The following AFTPH variants were observed in gnomAD, a reference collection of about 807,000 sequenced individuals.
AFTPH encodes aftiphilin, also known as aftiphilin protein.
In AFTPH, 7 loss-of-function variants were observed where a neutral mutation model predicts 72.5. The observed-to-expected ratio is 0.10, with a 90% CI of 0.05 to 0.18. The LOEUF is 0.18. AFTPH is among the 10% of genes least tolerant of loss of function. AFTPH has a pLI of 1.00. For synonymous variants in AFTPH, 337 were observed against 370.1 expected (o/e 0.91, Z 1.03); for missense variants, 979 against 1,060.5 (o/e 0.92, Z 1.07).
intron 2 of AFTPH, among the ~76,000 whole-genome samples, chr2:64,559,264 G>A (rs1448568974): frequency 6.6e-6 from 1 of 152,112 alleles, no homozygotes; most frequent in Admixed American, 6.5e-5. Context: ...AGAACCAATA[G>A]GGTATGTGTG....
At chr2:64,534,742 G>A (rs1249073430) in intron 1 of AFTPH, among the ~76,000 whole-genome samples, 1 of 140,028 alleles carries the variant, frequency 7.1e-6, no homozygotes, top group Non-Finnish European at 1.6e-5. Flanking sequence ...CTTTAAGCTT[G>A]TTTTTTTTTT....
At chr2:64,576,171 G>A (rs1157962669) in intron 6 of AFTPH, among the ~76,000 whole-genome samples, 5 of 141,410 alleles carry the variant, frequency 3.5e-5, no homozygotes, top group African/African-American at 1.3e-4. Context: ...ATATATATAT[G>A]GATTTACATA....
chr2:64,585,693 T>A, intron 8 of AFTPH, 148 bp downstream of exon 9: 1 of 829,254 alleles, frequency 1.2e-6, no homozygotes, highest in Non-Finnish European at 1.8e-6. Context: ...CAGAAAATAT[T>A]ATCAAATTAT....
At chr2:64,525,029 A>G (rs1042391280) in intron 1 of AFTPH, among the ~76,000 whole-genome samples, 1 of 152,194 alleles carries the variant, frequency 6.6e-6, no homozygotes, top group African/African-American at 2.4e-5. Flanking sequence ...TGACAGGTGT[A>G]AACACTGCCT....
chr2:64,555,555 TCACACACACACACACACACACACA>T lies in AFTPH; in HGVS notation c.1935+2167_1935+2190del, dbSNP rs111905151. 1.4e-3 allele frequency among the ~76,000 whole-genome samples: 196 copies of T among 140,870 alleles called. 1 individual carries two copies. Among genetic ancestry groups the T allele is most frequent in the African/African-American group, 4.6e-3 (173 of 37,906 alleles). 92.4% of individuals were successfully genotyped at this position (140,870 alleles called of 152,430 possible). ...CAGGCTAGGCTACAGAGAGAGACTG[TCACACACACACACACACACACACA>T]CACACACACACACACACACAAGACT... On this transcript the variant is annotated intron_variant, in intron 2 of 8. Transcript: ENST00000238856.
Position 64,552,925 on chromosome 2 carries a change from T to G in AFTPH, c.1451T>G (p.Ile484Arg), listed in dbSNP as rs914335736. ...GATGACTTTGGAGAATTTGGGGATA[T>G]AAATGCTGTTTCTTGCCAAGAGGAG... The change falls in exon 2 of 9, where the codon ATA (isoleucine) becomes AGA (arginine). Residue 484 changes from isoleucine to arginine, a missense_variant. By Grantham distance (97) the Ile-to-Arg change is moderately conservative. Coordinates refer to ENST00000238856, the Ensembl canonical transcript of AFTPH. 6.8e-6 allele frequency: 11 copies of G among 1,614,040 alleles called. No individual in the cohort carries two copies. The African/African-American group carries it at 1.5e-4, about 22-fold the overall frequency.
At chr2:64,575,957 T>TC (rs1558626670) in intron 6 of AFTPH, among the ~76,000 whole-genome samples, 2 of 151,844 alleles carry the variant, frequency 1.3e-5, no homozygotes, top group East Asian at 3.9e-4. Flanking sequence ...CAGGCTGGTC[T>TC]CCAACTCCTG....
chr2:64,555,766 A>C (rs1285946748), intron 2 of AFTPH, among the ~76,000 whole-genome samples: 2 of 152,186 alleles, frequency 1.3e-5, no homozygotes, highest in African/African-American at 4.8e-5. Context: ...CTGCTGAGTA[A>C]GTGACTGAGT....
exon 2 of AFTPH, chr2:64,551,656 C>G: frequency 6.2e-7 from 1 of 1,613,996 alleles, no homozygotes; most frequent in Non-Finnish European, 8.5e-7. Context: ...GAGTTTGTAC[C>G]TTCAAACCAT....
chr2:64,527,566 G>T (rs1183570846), intron 1 of AFTPH, among the ~76,000 whole-genome samples: 1 of 137,560 alleles, frequency 7.3e-6, no homozygotes, highest in African/African-American at 2.9e-5. Flanking sequence ...GGCAACAAGA[G>T]CAAAACATCA....
chr2:64,582,502 A>G (rs938298519), intron 7 of AFTPH, among the ~76,000 whole-genome samples: 4 of 152,192 alleles, frequency 2.6e-5, no homozygotes, highest in Non-Finnish European at 4.4e-5. Context: ...TAAAAAACCA[A>G]TCTGTCTGGT....
intron 6 of AFTPH, among the ~76,000 whole-genome samples, chr2:64,578,001 C>G (rs1445337598): frequency 6.6e-6 from 1 of 152,114 alleles, no homozygotes; most frequent in East Asian, 1.9e-4. Context: ...TAAGAACACC[C>G]TTAATAGTCA....
At chr2:64,554,124 G>A (rs1262217831) in intron 2 of AFTPH, among the ~76,000 whole-genome samples, 2 of 152,134 alleles carry the variant, frequency 1.3e-5, no homozygotes, top group Non-Finnish European at 2.9e-5. Flanking sequence ...TCTTACAAAT[G>A]TACTTGTTAG....
In AFTPH at chr2:64,555,555, TCACACACACA is replaced by T. The variant is rs111905151; in HGVS notation, c.1935+2181_1935+2190del. Among the ~76,000 whole-genome samples, 206 of 140,862 alleles carry T rather than the reference TCACACACACA, an allele frequency of 1.5e-3. 1 individual carries two copies. The highest frequency in any genetic ancestry group is 2.1e-3 in the African/African-American group (80 of 37,904). 92.4% of individuals were successfully genotyped at this position (140,862 alleles called of 152,430 possible). On this transcript the variant is annotated intron_variant, in intron 2 of 8. Transcript: ENST00000238856. ...CAGGCTAGGCTACAGAGAGAGACTG[TCACACACACA>T]CACACACACACACACACACACACAC...
At chr2:64,528,382 T>A (rs1669406892) in intron 1 of AFTPH, among the ~76,000 whole-genome samples, 1 of 152,216 alleles carries the variant, frequency 6.6e-6, no homozygotes, top group African/African-American at 2.4e-5. Context: ...AAAAAAAATC[T>A]GCCCTCCTAC....
chr2:64,588,003 T>C (rs1673608128), intron 8 of AFTPH, among the ~76,000 whole-genome samples: 1 of 152,204 alleles, frequency 6.6e-6, no homozygotes, highest in South Asian at 2.1e-4. Flanking sequence ...TTCAATTCAC[T>C]GGTTTTTAGT....
chr2:64,531,851 G>A (rs932580785), intron 1 of AFTPH, among the ~76,000 whole-genome samples: 15 of 152,194 alleles, frequency 9.9e-5, no homozygotes, highest in African/African-American at 3.6e-4. Flanking sequence ...TGGCTTAATT[G>A]TTGTCAGTTG....
chr2:64,562,078 T>G (rs1316289416), intron 2 of AFTPH, among the ~76,000 whole-genome samples: 1 of 152,184 alleles, frequency 6.6e-6, no homozygotes, highest in East Asian at 1.9e-4. Context: ...TACCTGAATC[T>G]TCCTGAACTA....
intron 7 of AFTPH, 52 bp downstream of exon 7, chr2:64,579,598 CAAAGTTCAGACA>C (rs1673044557): frequency 6.7e-7 from 1 of 1,501,452 alleles, no homozygotes. Flanking sequence ...AAGAAAGCTA[CAAAGTTCAGACA>C]AACTTCTCTC....
Sources: allele counts gnomAD v4.1 joint callset (sites outside exome capture counted in the v4.1 genomes callset), GRCh38; gene constraint gnomAD v4.1.1; transcripts MANE v1.5; gene names NCBI Gene and HGNC (gene_info 2026-07-23, HGNC 2026-07-21).